Variants in AAGAB observed in about 807,000 individuals in gnomAD.
AAGAB encodes the protein alpha and gamma adaptin binding protein, also known as alpha- and gamma-adaptin-binding protein p34.
AAGAB carries 38 observed loss-of-function variants against 44.1 expected under a neutral mutation model. The observed-to-expected ratio is 0.86, with a 90% confidence interval of 0.67 to 1.13. AAGAB has a LOEUF of 1.13. Ranked by LOEUF, AAGAB falls within the 50% of genes most tolerant of loss-of-function variation. The pLI is 0.00. For synonymous variants in AAGAB, 131 were observed against 131.8 expected, an observed-to-expected ratio of 0.99 and a Z score of 0.04; for missense variants, 450 against 373.8, an observed-to-expected ratio of 1.20 and a Z score of -1.68.
intron 1 of AAGAB, among the ~76,000 whole-genome samples, chr15:67,239,040 G>C (rs1964535551): frequency 1.3e-5 from 2 of 152,148 alleles, no homozygotes; most frequent in African/African-American, 4.8e-5. Context: ...ATTTTTTAAA[G>C]GAGAGAAGCA....
chr15:67,238,631 C>G (rs957958295), intron 1 of AAGAB, among the ~76,000 whole-genome samples: 1 of 150,204 alleles, frequency 6.7e-6, no homozygotes, highest in Non-Finnish European at 1.5e-5. Flanking sequence ...AAACAAGGAG[C>G]AAAGCAAAAA....
chr15:67,220,225 C>T (rs115435072), intron 5 of AAGAB, among the ~76,000 whole-genome samples: 11 of 152,170 alleles, frequency 7.2e-5, no homozygotes, highest in African/African-American at 2.4e-4. Flanking sequence ...CCAGAAAGCC[C>T]AAAATCTCAG....
At chr15:67,252,152 A>G (rs973526923) in intron 1 of AAGAB, among the ~76,000 whole-genome samples, 1 of 152,256 alleles carries the variant, frequency 6.6e-6, no homozygotes, top group Admixed American at 6.5e-5. Context: ...CAGAAGTACA[A>G]TGTTACTATT....
chr15:67,207,155 C>T (rs1963703965), intron 7 of AAGAB, among the ~76,000 whole-genome samples: 2 of 152,220 alleles, frequency 1.3e-5, no homozygotes, highest in Admixed American at 1.3e-4. Context: ...TGCCACTGCA[C>T]TCCACCCTGG....
chr15:67,246,528 C>G (rs950788814), intron 1 of AAGAB, among the ~76,000 whole-genome samples: 3 of 152,100 alleles, frequency 2.0e-5, no homozygotes, highest in African/African-American at 7.2e-5. Context: ...AACATAAATA[C>G]AATGTTATGT....
At chr15:67,255,037 T>G (rs1965083047), upstream of AAGAB, 1 of 1,282,906 alleles carries the variant, frequency 7.8e-7, no homozygotes, top group Admixed American at 1.9e-5. Context: ...CGCTCACCCA[T>G]TTGGTGCGCC....
At chr15:67,233,130 T>C (rs1359663329) in intron 4 of AAGAB, among the ~76,000 whole-genome samples, 1 of 152,204 alleles carries the variant, frequency 6.6e-6, no homozygotes, top group Non-Finnish European at 1.5e-5. Flanking sequence ...CAGTATGTTA[T>C]AAAATCATGT....
chr15:67,226,938 A>T (rs1246447712), intron 5 of AAGAB: 1 of 282,296 alleles, frequency 3.5e-6, no homozygotes, highest in Non-Finnish European at 7.3e-6. Flanking sequence ...TTTGAATATC[A>T]ATGTCCAAGA....
At chr15:67,254,909 A>G (rs780417908), upstream of AAGAB, 7 of 1,613,704 alleles carry the variant, frequency 4.3e-6, no homozygotes, top group East Asian at 1.3e-4. Context: ...GGCACAGAAC[A>G]CTGAAAACCA....
intron 5 of AAGAB, among the ~76,000 whole-genome samples, chr15:67,213,246 C>T (rs778031458): frequency 6.6e-6 from 1 of 152,056 alleles, no homozygotes; most frequent in Non-Finnish European, 1.5e-5. Flanking sequence ...AAAAATCTGG[C>T]GGTGCTGGTC....
Position 67,203,601 on chromosome 15 carries a change from G to A in AAGAB, c.821-4C>T. ...TGAGGAAGCGTCGCAGCCTTGTCTA[G>A]GGGGAAAATATATCTTAAGAAATTT... is the stretch of plus-strand genomic sequence containing the variant. On this transcript the variant is annotated splice_polypyrimidine_tract_variant and splice_region_variant and intron_variant, in intron 8 of 9. Transcript: ENST00000261880. The A allele has an allele frequency of 1.2e-6, 2 of 1,612,944 alleles. No individual in the cohort carries two copies.
At chr15:67,233,781 C>T (rs541715652) in intron 4 of AAGAB, among the ~76,000 whole-genome samples, 1 of 152,270 alleles carries the variant, frequency 6.6e-6, no homozygotes, top group Admixed American at 6.5e-5. Flanking sequence ...TAACCTTCCC[C>T]CTACACTGAA....
At position 67,219,302 on chromosome 15, in the gene AAGAB, A is replaced by G. The variant is rs527452526; in HGVS notation, c.536-9758T>C. Among the ~76,000 whole-genome samples, 7 of 152,324 alleles carry G rather than the reference A, an allele frequency of 4.6e-5. No individual in the cohort carries two copies. The East Asian group carries it at 9.6e-4, about 21-fold the overall frequency. The stretch of plus-strand genomic sequence containing the variant: ...TTTGTGCCTTATAGATAAAAAGAGT[A>G]AAGATTTTTTGCCCCTCAAGAATTA... On this transcript the variant is annotated intron_variant, in intron 5 of 9. Transcript: ENST00000261880.
chr15:67,251,249 T>A (rs1964865904), intron 1 of AAGAB, among the ~76,000 whole-genome samples: 1 of 151,894 alleles, frequency 6.6e-6, no homozygotes, highest in African/African-American at 2.4e-5. Context: ...TGTGTGTGTG[T>A]GTGTGTGTAT....
At chr15:67,250,103 G>A (rs1478681122) in intron 1 of AAGAB, among the ~76,000 whole-genome samples, 1 of 152,194 alleles carries the variant, frequency 6.6e-6, no homozygotes, top group Non-Finnish European at 1.5e-5. Context: ...GGGAAGTAGA[G>A]TAAGATGTTA....
chr15:67,204,827 T>C (rs997329095), intron 7 of AAGAB, among the ~76,000 whole-genome samples: 1 of 152,244 alleles, frequency 6.6e-6, no homozygotes, highest in African/African-American at 2.4e-5. Flanking sequence ...GTTTAGAATG[T>C]CTTCCCTGCC....
intron 1 of AAGAB, among the ~76,000 whole-genome samples, chr15:67,238,382 A>G (rs1211979479): frequency 1.3e-5 from 2 of 152,344 alleles, no homozygotes; most frequent in Admixed American, 6.5e-5. Flanking sequence ...TGGAGCATTA[A>G]GACAATTTCA....
intron 7 of AAGAB, among the ~76,000 whole-genome samples, chr15:67,207,189 C>CAAACAA (rs1007714772): frequency 2.6e-5 from 4 of 152,276 alleles, no homozygotes; most frequent in African/African-American, 9.6e-5. Flanking sequence ...AACTCCATCT[C>CAAACAA]AAACAAAAAC....
chr15:67,255,064 C>T, upstream of AAGAB: 3 of 1,025,028 alleles, frequency 2.9e-6, no homozygotes, highest in South Asian at 2.7e-5. Flanking sequence ...AGACTCCCTC[C>T]AACTCGCGAG....
Sources: allele counts gnomAD v4.1 joint callset (sites outside exome capture counted in the v4.1 genomes callset), GRCh38; gene constraint gnomAD v4.1.1; transcripts MANE v1.5; gene names NCBI Gene and HGNC (gene_info 2026-07-23, HGNC 2026-07-21).